The following HMGXB4 variants were observed in gnomAD, a reference collection of about 807,000 sequenced individuals.
HMGXB4 encodes HMG-box containing 4, also known as HMG domain-containing protein 4.
HMGXB4 carries 27 observed loss-of-function variants against 63.9 expected under a neutral mutation model. The ratio of observed to expected loss-of-function variants is 0.42; its 90% CI spans 0.31 to 0.58. The LOEUF (loss-of-function observed/expected upper bound fraction) is 0.58, where lower values mean the gene tolerates loss of function less well. Among genes scored for constraint, HMGXB4 ranks in the 20% least tolerant of loss-of-function variants. The probability of loss-of-function intolerance (pLI) is 0.13; values close to 1 mark genes in which losing one functional copy is unlikely to be tolerated. For synonymous variants in HMGXB4, 264 were observed against 265.3 expected, an observed-to-expected ratio of 0.99 and a Z score of 0.05; for missense variants, 624 against 700.7, an observed-to-expected ratio of 0.89 and a Z score of 1.24.
At chr22:35,257,067 C>T (rs1000725789), upstream of HMGXB4, among the ~76,000 whole-genome samples, 1 of 152,200 alleles carries the variant, frequency 6.6e-6, no homozygotes, top group Non-Finnish European at 1.5e-5. Flanking sequence ...AAGCACACTG[C>T]TATTAATCTG....
At position 35,293,624 on chromosome 22, in the gene HMGXB4, C is replaced by T. The variant is rs376436127; in HGVS notation, c.1779C>T (p.Asn593=). The T allele has an allele frequency of 5.0e-6, 8 of 1,611,724 alleles. No individual in the cohort carries two copies. In the African/African-American group the frequency reaches 1.1e-4, roughly 22 times the overall value. ...PKQVLSNTLD[N]IAYIMPGL is the part of the protein sequence containing the mutation. ...TTTTGCAGTCAAACACATTAGACAA[C>T]ATTGCTTACATCATGCCGGGACTGT... The change falls in exon 11 of 11, where the codon AAC becomes AAT. Residue 593 remains asparagine, a synonymous_variant. Transcript: ENST00000216106.
intron 1 of HMGXB4, among the ~76,000 whole-genome samples, chr22:35,261,018 A>G (rs1479820045): frequency 3.9e-5 from 6 of 152,250 alleles, no homozygotes; most frequent in Non-Finnish European, 7.3e-5. Context: ...ATTTAAATAA[A>G]TGATCAATTA....
intron 6 of HMGXB4, among the ~76,000 whole-genome samples, chr22:35,285,329 G>T (rs1423846705): frequency 6.6e-6 from 1 of 152,194 alleles, no homozygotes; most frequent in Admixed American, 6.5e-5. Flanking sequence ...TGGATCACCT[G>T]AGGTCAGGAG....
At chr22:35,268,974 A>G (rs1288633110) in intron 5 of HMGXB4, among the ~76,000 whole-genome samples, 1 of 152,154 alleles carries the variant, frequency 6.6e-6, no homozygotes, top group African/African-American at 2.4e-5. Context: ...CTAAACTCCC[A>G]TATTACCTTG....
At chr22:35,255,027 T>C (rs1922330916), upstream of HMGXB4, among the ~76,000 whole-genome samples, 1 of 152,238 alleles carries the variant, frequency 6.6e-6, no homozygotes, top group African/African-American at 2.4e-5. Context: ...CTTGATTTTC[T>C]TTGTGTCTAC....
At chr22:35,292,916 A>G in intron 9 of HMGXB4, 76 bp from the exon 10 acceptor site, 8 of 1,569,044 alleles carry the variant, frequency 5.1e-6, no homozygotes, top group Non-Finnish European at 7.0e-6. Context: ...CTAGGATTTA[A>G]AGTACTGTGT....
In HMGXB4 at chr22:35,265,351, G is replaced by A. The variant is rs1923152300; in HGVS notation, c.963G>A (p.Lys321=). The A allele has an allele frequency of 6.2e-7, 1 of 1,613,846 alleles. No individual in the cohort carries two copies. Among genetic ancestry groups the A allele is most frequent in the South Asian group, 1.1e-5 (1 of 91,066 alleles). The change falls in exon 5 of 11, where the codon AAG becomes AAA. Residue 321 remains lysine (K), a synonymous_variant. Transcript: ENST00000216106. Reference sequence around the variant, plus strand: ...ACCGAGAAATCAAGAAGAAAAAGAAGTCAAAGAAGAGCAAAAAGAAGAAAG... The same window carrying A: ...ACCGAGAAATCAAGAAGAAAAAGAAATCAAAGAAGAGCAAAAAGAAGAAAG... ...DSYREIKKKK[K]SKKSKKKKDK... is the part of the protein sequence containing the mutation.
At chr22:35,261,435 C>CAAAAA (rs35534975) in intron 1 of HMGXB4, among the ~76,000 whole-genome samples, 1 of 125,294 alleles carries the variant, frequency 8.0e-6, no homozygotes, top group African/African-American at 3.3e-5. Flanking sequence ...GACTCTATCT[C>CAAAAA]AAAAAAAAAA....
In HMGXB4 at chr22:35,289,840, G is replaced by A. The variant is rs533207112; in HGVS notation, c.1638+1433G>A. On this transcript the variant is annotated intron_variant, in intron 9 of 10. Coordinates refer to ENST00000216106, the MANE Select transcript of HMGXB4 (RefSeq NM_001003681.3). ...GCTAACTCATTAGTATAGTAGTTCCGCTTTCCACCAAGTTCTAGTAAGACA... is the reference window on the plus strand; with the variant it reads ...GCTAACTCATTAGTATAGTAGTTCCACTTTCCACCAAGTTCTAGTAAGACA... Among the ~76,000 whole-genome samples the A allele has an allele frequency of 7.2e-5, 11 of 152,248 alleles. 1 individual carries two copies. The South Asian group carries it at 8.3e-4, about 11-fold the overall frequency.
At chr22:35,274,065 A>G (rs1353227092) in intron 5 of HMGXB4, among the ~76,000 whole-genome samples, 2 of 152,234 alleles carry the variant, frequency 1.3e-5, no homozygotes, top group Non-Finnish European at 2.9e-5. Context: ...ATGAAGATAC[A>G]GTGTCTGCTC....
At chr22:35,277,899 C>T (rs1178567627) in intron 5 of HMGXB4, among the ~76,000 whole-genome samples, 1 of 152,110 alleles carries the variant, frequency 6.6e-6, no homozygotes, top group African/African-American at 2.4e-5. Flanking sequence ...GGGGCTCCCT[C>T]TTACATTGGT....
At position 35,265,338 on chromosome 22, in the gene HMGXB4, A is replaced by G. The variant is rs146235655; in HGVS notation, c.950A>G (p.Lys317Arg). 3 of 1,614,070 alleles carry G rather than the reference A, an allele frequency of 1.9e-6. No homozygotes were observed. The highest frequency in any genetic ancestry group is 1.7e-5 in the Admixed American group (1 of 60,014). ...ATAGATGATTCTTACCGAGAAATCA[A>G]GAAGAAAAAGAAGTCAAAGAAGAGC... is the stretch of plus-strand genomic sequence containing the variant. Reference protein sequence around the residue: ...LVIDDSYREIKKKKKSKKSKK... With the variant: ...LVIDDSYREIRKKKKSKKSKK... The change falls in exon 5 of 11, where the codon AAG becomes AGG. Residue 317 changes from lysine to arginine, a missense_variant. By Grantham distance (26) the Lys-to-Arg change is conservative. This residue lies in a region of HMGXB4 where 472 missense variants were observed against 470.6 expected (regional missense o/e 1.00). Transcript: ENST00000216106.
At chr22:35,279,228 C>T (rs1924099181) in intron 5 of HMGXB4, among the ~76,000 whole-genome samples, 1 of 135,948 alleles carries the variant, frequency 7.4e-6, no homozygotes, top group Admixed American at 8.5e-5. Flanking sequence ...CTCACCGCAA[C>T]CTCTGTCTCC....
chr22:35,272,385 A>G (rs1389288066), intron 5 of HMGXB4, among the ~76,000 whole-genome samples: 1 of 152,020 alleles, frequency 6.6e-6, no homozygotes, highest in Non-Finnish European at 1.5e-5. Flanking sequence ...AAATTACACT[A>G]TTTCCTGGGT....
chr22:35,275,849 A>C (rs531638739), intron 5 of HMGXB4, among the ~76,000 whole-genome samples: 1 of 152,340 alleles, frequency 6.6e-6, no homozygotes, highest in African/African-American at 2.4e-5. Flanking sequence ...CATGTAGTTA[A>C]GTGGACTTGT....
the HMGXB4 span, among the ~76,000 whole-genome samples, chr22:35,242,455 A>G: frequency 6.6e-6 from 1 of 150,478 alleles, no homozygotes; most frequent in African/African-American, 2.5e-5. Flanking sequence ...TGTTCAAAAT[A>G]CTCCCTTATT....
At chr22:35,260,617 T>C (rs1809777432) in intron 1 of HMGXB4, among the ~76,000 whole-genome samples, 1 of 152,266 alleles carries the variant, frequency 6.6e-6, no homozygotes, top group African/African-American at 2.4e-5. Flanking sequence ...CAGGCAGTTC[T>C]CCAATTGAAC....
intron 1 of HMGXB4, among the ~76,000 whole-genome samples, chr22:35,260,136 C>A (rs143371258): frequency 6.6e-6 from 1 of 152,316 alleles, no homozygotes; most frequent in African/African-American, 2.4e-5. Flanking sequence ...TCAGGACCAG[C>A]CTTTGCTTAC....
At chr22:35,264,411 C>CA (rs1050846132) in intron 4 of HMGXB4, among the ~76,000 whole-genome samples, 6 of 152,148 alleles carry the variant, frequency 3.9e-5, no homozygotes, top group African/African-American at 1.4e-4. Flanking sequence ...TCTGAAGACT[C>CA]AATGAAGAGA....
Sources: allele counts gnomAD v4.1 joint callset (sites outside exome capture counted in the v4.1 genomes callset), GRCh38; gene constraint gnomAD v4.1.1; regional missense constraint gnomAD v4.1.1; transcripts MANE v1.5; gene names NCBI Gene and HGNC (gene_info 2026-07-23, HGNC 2026-07-21).